The following ADK variants were observed in gnomAD, a reference collection of about 807,000 sequenced individuals.
ADK encodes N6,N6-dimethyladenosine kinase.
In ADK, 24 loss-of-function variants were observed where a neutral mutation model predicts 44.7. The observed-to-expected ratio is 0.54, with a 90% CI of 0.39 to 0.76. ADK has a LOEUF of 0.76. Ranked by LOEUF, ADK falls within the 30% of genes least tolerant of loss-of-function variation. The probability of loss-of-function intolerance (pLI) is 0.00; values close to 1 mark genes in which losing one functional copy is unlikely to be tolerated. For synonymous variants in ADK, 128 were observed against 142.6 expected, an observed-to-expected ratio of 0.90 and a Z score of 0.73; for missense variants, 321 against 425.1, an observed-to-expected ratio of 0.76 and a Z score of 2.15.
intron 6 of ADK, among the ~76,000 whole-genome samples, chr10:74,487,282 A>G (rs781618007): frequency 1.3e-5 from 2 of 151,990 alleles, no homozygotes; most frequent in Non-Finnish European, 2.9e-5. Context: ...GAATTTTGTT[A>G]ATCGTGTGTG....
chr10:74,302,105 G>GTTTTTTTTTTTTTTT (rs1840065150), intron 3 of ADK, among the ~76,000 whole-genome samples: 2 of 88,912 alleles, frequency 2.2e-5, no homozygotes, highest in East Asian at 4.0e-4. Context: ...TTTTTTGTTT[G>GTTTTTTTTTTTTTTT]TTTGTTTTTT....
intron 2 of ADK, among the ~76,000 whole-genome samples, chr10:74,209,920 T>A (rs1035120356): frequency 2.0e-5 from 3 of 152,062 alleles, no homozygotes; most frequent in Non-Finnish European, 4.4e-5. Context: ...AGGGAAGGAA[T>A]GTGTAAGGTA....
chr10:74,688,171 C>G (rs1418008168), intron 10 of ADK, among the ~76,000 whole-genome samples: 2 of 152,220 alleles, frequency 1.3e-5, no homozygotes, highest in Non-Finnish European at 2.9e-5. Flanking sequence ...TGTTCCTCCC[C>G]TACTCTTTAA....
chr10:74,295,440 C>T (rs937478630), intron 3 of ADK, among the ~76,000 whole-genome samples: 11 of 148,800 alleles, frequency 7.4e-5, no homozygotes, highest in Non-Finnish European at 1.3e-4. Context: ...CCAGACTGGG[C>T]GACAAGAGCA....
At chr10:74,680,111 G>A (rs1337756160) in intron 10 of ADK, among the ~76,000 whole-genome samples, 1 of 152,082 alleles carries the variant, frequency 6.6e-6, no homozygotes, top group Non-Finnish European at 1.5e-5. Context: ...TCAGGAGATC[G>A]AGACCATCCT....
chr10:74,552,722 AAGACAAATCAAT>A (rs1850078768), intron 7 of ADK, among the ~76,000 whole-genome samples: 1 of 152,186 alleles, frequency 6.6e-6, no homozygotes, highest in Non-Finnish European at 1.5e-5. Context: ...AATCAATAAT[AAGACAAATCAAT>A]AGACAAATAG....
intron 3 of ADK, among the ~76,000 whole-genome samples, chr10:74,278,692 G>A (rs1227085752): frequency 2.0e-5 from 3 of 151,984 alleles, no homozygotes; most frequent in Admixed American, 1.3e-4. Flanking sequence ...GTTGGGGTCT[G>A]GATATATTGC....
At chr10:74,185,308 G>A (rs1591821054) in intron 1 of ADK, among the ~76,000 whole-genome samples, 2 of 152,256 alleles carry the variant, frequency 1.3e-5, no homozygotes, top group South Asian at 2.1e-4. Context: ...AAGGTTTTCT[G>A]CGGGGAGGTT....
chr10:74,439,792 TTTAAA>T (rs1220808746), intron 6 of ADK, among the ~76,000 whole-genome samples: 2 of 152,106 alleles, frequency 1.3e-5, no homozygotes, highest in Admixed American at 6.5e-5. Context: ...TATTTTAATG[TTTAAA>T]TTATTGTCTC....
At chr10:74,303,081 A>C (rs941219424) in intron 3 of ADK, among the ~76,000 whole-genome samples, 2 of 130,708 alleles carry the variant, frequency 1.5e-5, no homozygotes, top group African/African-American at 5.0e-5. Flanking sequence ...TGTTTGTCCT[A>C]TGAGAGTTTA....
chr10:74,316,930 G>A (rs940743765), intron 4 of ADK, among the ~76,000 whole-genome samples: 4 of 151,590 alleles, frequency 2.6e-5, no homozygotes, highest in African/African-American at 4.8e-5. Flanking sequence ...TTCTAACAAC[G>A]TATTCTAGTA....
At chr10:74,568,387 G>T (rs942626082) in intron 7 of ADK, among the ~76,000 whole-genome samples, 2 of 151,996 alleles carry the variant, frequency 1.3e-5, no homozygotes, top group African/African-American at 4.8e-5. Context: ...CTCCTAGGAG[G>T]TACAGGATTT....
chr10:74,492,587 G>T (rs1178133852), intron 6 of ADK, among the ~76,000 whole-genome samples: 1 of 152,162 alleles, frequency 6.6e-6, no homozygotes, highest in African/African-American at 2.4e-5. Flanking sequence ...CTATTTGCAA[G>T]TACTGACAAA....
intron 10 of ADK, among the ~76,000 whole-genome samples, chr10:74,680,939 A>G (rs1431425936): frequency 6.6e-6 from 1 of 152,246 alleles, no homozygotes; most frequent in African/African-American, 2.4e-5. Context: ...CAAATTAAAA[A>G]CTGATTTCTG....
At chr10:74,609,380 G>A (rs1405091134) in intron 9 of ADK, among the ~76,000 whole-genome samples, 1 of 152,166 alleles carries the variant, frequency 6.6e-6, no homozygotes, top group African/African-American at 2.4e-5. Context: ...GGTACCCGAA[G>A]AAATCTCCTG....
intron 7 of ADK, among the ~76,000 whole-genome samples, chr10:74,571,404 A>G (rs1850954909): frequency 6.6e-6 from 1 of 152,180 alleles, no homozygotes; most frequent in Admixed American, 6.5e-5. Context: ...TTCAGCTGTG[A>G]ATCCATCTGG....
intron 7 of ADK, among the ~76,000 whole-genome samples, chr10:74,546,351 C>T (rs1849818347): frequency 6.6e-6 from 1 of 152,130 alleles, no homozygotes; most frequent in African/African-American, 2.4e-5. Flanking sequence ...TACTGTGTGG[C>T]ATGGGCATGG....
At chr10:74,466,881 A>G (rs1846376136) in intron 6 of ADK, among the ~76,000 whole-genome samples, 1 of 152,176 alleles carries the variant, frequency 6.6e-6, no homozygotes, top group African/African-American at 2.4e-5. Flanking sequence ...GTATTTATAT[A>G]CAACAAATAA....
chr10:74,606,640 G>A (rs898820238), intron 9 of ADK, among the ~76,000 whole-genome samples: 1 of 152,164 alleles, frequency 6.6e-6, no homozygotes, highest in Non-Finnish European at 1.5e-5. Context: ...GTGCTGAGGA[G>A]TGTTTTACTT....
Sources: allele counts gnomAD v4.1 joint callset (sites outside exome capture counted in the v4.1 genomes callset), GRCh38; gene constraint gnomAD v4.1.1; transcripts MANE v1.5; gene names NCBI Gene and HGNC (gene_info 2026-07-23, HGNC 2026-07-21).